PDE4D: variants seen among roughly 807,000 people sequenced by gnomAD.
The protein encoded by PDE4D is 3',5'-cyclic-AMP phosphodiesterase 4D.
In PDE4D, 24 loss-of-function variants were observed where a neutral mutation model predicts 87.4. The observed-to-expected ratio is 0.27, with a 90% confidence interval of 0.20 to 0.39. The LOEUF is 0.39. PDE4D is among the 10% of genes least tolerant of loss of function. PDE4D has a pLI of 1.00. For missense variants in PDE4D, 714 were observed against 1,041.0 expected, an observed-to-expected ratio of 0.69 and a Z score of 4.32; for synonymous variants, 384 against 383.2, an observed-to-expected ratio of 1.00 and a Z score of -0.02.
intron 1 of PDE4D, among the ~76,000 whole-genome samples, chr5:59,595,525 T>C (rs879380228): frequency 6.6e-6 from 1 of 152,182 alleles, no homozygotes; most frequent in Non-Finnish European, 1.5e-5. Context: ...CACCGACCTC[T>C]GAATTTGGTA....
rs115149581 is a variant in PDE4D, at chr5:60,026,254, G to A, written c.43-37537C>T. Among the ~76,000 whole-genome samples, 1,067 of 152,132 alleles carry A rather than the reference G, an allele frequency of 7.0e-3. 10 individuals are homozygous for A. The highest frequency in any genetic ancestry group is 0.024 in the African/African-American group (1,015 of 41,482). On this transcript the variant is annotated intron_variant, in intron 2 of 16. Coordinates refer to the PDE4D transcript ENST00000502484. ...TGTTTAAAACAAAACAACAACAACA[G>A]CAACAAAAACAGTGGACTAGAGACT...
intron 1 of PDE4D, among the ~76,000 whole-genome samples, chr5:59,837,473 T>G (rs893239678): frequency 5.3e-5 from 8 of 152,064 alleles, no homozygotes; most frequent in African/African-American, 1.9e-4. Context: ...TATGCTCCAC[T>G]AGGGCAGGAA....
intron 5 of PDE4D, among the ~76,000 whole-genome samples, chr5:59,097,480 C>T (rs903513844): frequency 6.6e-6 from 1 of 152,178 alleles, no homozygotes; most frequent in East Asian, 1.9e-4. Flanking sequence ...ACTCTCTAAA[C>T]ACACATCCAA....
intron 1 of PDE4D, among the ~76,000 whole-genome samples, chr5:60,406,803 G>A (rs1057116869): frequency 6.6e-6 from 1 of 152,006 alleles, no homozygotes; most frequent in African/African-American, 2.4e-5. Context: ...TGAGAAAATA[G>A]GACCACGTGG....
At chr5:59,696,792 G>T (rs979316064) in intron 1 of PDE4D, among the ~76,000 whole-genome samples, 1 of 152,022 alleles carries the variant, frequency 6.6e-6, no homozygotes, top group Non-Finnish European at 1.5e-5. Flanking sequence ...TTCCTTGACC[G>T]GAATAACTGT....
intron 1 of PDE4D, among the ~76,000 whole-genome samples, chr5:60,471,864 T>A (rs1747840173): frequency 6.6e-6 from 1 of 152,178 alleles, no homozygotes; most frequent in Admixed American, 6.5e-5. Flanking sequence ...ATTGCAGTGG[T>A]CTGAAACTGA....
intron 1 of PDE4D, among the ~76,000 whole-genome samples, chr5:60,499,523 G>C (rs1448394362): frequency 1.3e-5 from 2 of 152,060 alleles, no homozygotes; most frequent in Non-Finnish European, 2.9e-5. Flanking sequence ...CTTGGGTTGG[G>C]GGCGGTTAAA....
intron 5 of PDE4D, among the ~76,000 whole-genome samples, chr5:59,065,061 TATATATACAC>T (rs1229016412): frequency 0.011 from 179 of 16,532 alleles, 2 homozygotes; most frequent in South Asian, 0.016. Flanking sequence ...AAATGTGATA[TATATATACAC>T]ACACACACAC....
intron 1 of PDE4D, among the ~76,000 whole-genome samples, chr5:59,805,490 A>G (rs937203306): frequency 6.6e-6 from 1 of 152,222 alleles, no homozygotes; most frequent in Non-Finnish European, 1.5e-5. Flanking sequence ...TTACACTTAC[A>G]ATTTGTGCAC....
At chr5:59,079,966 T>G (rs1428242387) in intron 5 of PDE4D, among the ~76,000 whole-genome samples, 1 of 151,670 alleles carries the variant, frequency 6.6e-6, no homozygotes, top group East Asian at 1.9e-4. Context: ...CTAGGACCTA[T>G]GAGCCAACAT....
At chr5:59,825,942 T>G (rs1770273599) in intron 1 of PDE4D, among the ~76,000 whole-genome samples, 2 of 152,152 alleles carry the variant, frequency 1.3e-5, no homozygotes, top group Non-Finnish European at 2.9e-5. Context: ...GTGATGGGAA[T>G]AAGAAATGAG....
intron 1 of PDE4D, among the ~76,000 whole-genome samples, chr5:59,767,686 T>A (rs1762974432): frequency 6.6e-6 from 1 of 152,210 alleles, no homozygotes; most frequent in South Asian, 2.1e-4. Flanking sequence ...GTAGAATTCC[T>A]AATCCCTTTC....
chr5:59,822,620 A>G (rs922282734), intron 1 of PDE4D, among the ~76,000 whole-genome samples: 4 of 152,198 alleles, frequency 2.6e-5, no homozygotes, highest in Non-Finnish European at 4.4e-5. Flanking sequence ...GCTACTAAAT[A>G]GATCTTTACC....
intron 2 of PDE4D, among the ~76,000 whole-genome samples, chr5:60,151,718 T>G (rs1781523827): frequency 6.6e-6 from 1 of 152,196 alleles, no homozygotes; most frequent in Admixed American, 6.5e-5. Context: ...TCTTTCTGAT[T>G]TGGATGCCTT....
At chr5:59,300,673 G>C (rs551494442) in intron 1 of PDE4D, among the ~76,000 whole-genome samples, 1 of 152,152 alleles carries the variant, frequency 6.6e-6, no homozygotes, top group East Asian at 1.9e-4. Flanking sequence ...GAACAAACAT[G>C]TGAGGTTTCC....
chr5:59,468,232 T>C (rs1801890695), intron 1 of PDE4D, among the ~76,000 whole-genome samples: 1 of 152,022 alleles, frequency 6.6e-6, no homozygotes. Context: ...CCCCGCATCT[T>C]CCTGTACTGT....
At chr5:60,459,676 TAG>T (rs1746771025) in intron 1 of PDE4D, among the ~76,000 whole-genome samples, 1 of 152,086 alleles carries the variant, frequency 6.6e-6, no homozygotes, top group Admixed American at 6.6e-5. Flanking sequence ...CAGAAAGGCG[TAG>T]AGACACTTTT....
chr5:59,181,838 C>A (rs1358007549), intron 4 of PDE4D, among the ~76,000 whole-genome samples: 1 of 152,078 alleles, frequency 6.6e-6, no homozygotes, highest in Non-Finnish European at 1.5e-5. Flanking sequence ...CTCTGCTTTG[C>A]TGCCTTAGTT....
At chr5:60,328,483 A>T (rs915007616) in intron 1 of PDE4D, among the ~76,000 whole-genome samples, 3 of 152,260 alleles carry the variant, frequency 2.0e-5, no homozygotes, top group African/African-American at 7.2e-5. Context: ...TGCCTATAGC[A>T]GTAAAACTAC....
Sources: allele counts gnomAD v4.1 joint callset (sites outside exome capture counted in the v4.1 genomes callset), GRCh38; gene constraint gnomAD v4.1.1; transcripts MANE v1.5; gene names NCBI Gene and HGNC (gene_info 2026-07-23, HGNC 2026-07-21).